Variants in ACAA2 observed in about 807,000 individuals in gnomAD.
ACAA2 encodes the protein 3-ketoacyl-CoA thiolase, mitochondrial.
In ACAA2, 35 loss-of-function variants were observed where a neutral mutation model predicts 44.8. The ratio of observed to expected loss-of-function variants is 0.78; its 90% CI spans 0.60 to 1.04. ACAA2 has a LOEUF of 1.04. Among genes scored for constraint, ACAA2 ranks in the 50% least tolerant of loss-of-function variants. The pLI is 0.00. For missense variants in ACAA2, 468 were observed against 482.6 expected (o/e 0.97, Z 0.28); for synonymous variants, 142 against 166.5 (o/e 0.85, Z 1.13).
chr18:49,799,447 C>G (rs775586591), intron 2 of ACAA2, among the ~76,000 whole-genome samples: 12 of 152,220 alleles, frequency 7.9e-5, no homozygotes, highest in African/African-American at 1.2e-4. Flanking sequence ...CAGCTCCTAA[C>G]CGCGAGTGAT....
intron 3 of ACAA2, among the ~76,000 whole-genome samples, 161 bp from the exon 4 acceptor site, chr18:49,796,042 T>C (rs1440769788): frequency 6.6e-6 from 1 of 152,180 alleles, no homozygotes; most frequent in African/African-American, 2.4e-5. Context: ...GTAAAGCAAA[T>C]GCTAAAGTAT....
In ACAA2 at chr18:49,785,088, A is replaced by G. The variant is rs926640655; in HGVS notation, c.1109+109T>C. ...ACTTGTTCCTGGTAACAGCCAGTGC[A>G]GGAGACATGAAGAAGAATGAAAAAT... On this transcript the variant is annotated intron_variant, in intron 9 of 9. Coordinates refer to ENST00000285093, the MANE Select transcript of ACAA2 (RefSeq NM_006111.3). The G allele has an allele frequency of 8.3e-6, 11 of 1,323,864 alleles. No homozygotes were observed. The African/African-American group carries it at 1.2e-4, about 14-fold the overall frequency. The allele number at this position is 1,323,864 out of a possible 1,614,324, so 82.0% of individuals were successfully genotyped here.
chr18:49,785,392 A>G lies in ACAA2; in HGVS notation c.955-41T>C, dbSNP rs748395704. ...AGAGCACTAACAAAAATCCTTACTC[A>G]CAAACTAATTTTTAAATGAGAATGG... On this transcript the variant is annotated intron_variant, in intron 8 of 9. Transcript: ENST00000285093. 2.5e-6 allele frequency: 4 copies of G among 1,598,826 alleles called. No homozygotes were observed. In the South Asian group the frequency reaches 4.5e-5, roughly 18 times the overall value.
chr18:49,805,945 A>C (rs921327139), intron 1 of ACAA2, among the ~76,000 whole-genome samples: 2 of 151,894 alleles, frequency 1.3e-5, no homozygotes, highest in African/African-American at 4.8e-5. Flanking sequence ...CTTCTTCCTA[A>C]TTTCATTAGT....
intron 8 of ACAA2, chr18:49,786,565 G>GCC (rs2023332048): frequency 6.6e-6 from 1 of 152,152 alleles, no homozygotes; most frequent in East Asian, 1.9e-4. Context: ...TCACACCTGT[G>GCC]CCTACCCCTT....
At chr18:49,803,964 G>A (rs578103869) in intron 1 of ACAA2, among the ~76,000 whole-genome samples, 45 of 148,752 alleles carry the variant, frequency 3.0e-4, no homozygotes, top group East Asian at 4.0e-4. Flanking sequence ...AGGCTGGAGC[G>A]CAGTGGCGCG....
chr18:49,797,355 T>A, intron 3 of ACAA2, 111 bp downstream of exon 3: 3 of 965,052 alleles, frequency 3.1e-6, no homozygotes, highest in Non-Finnish European at 4.5e-6. Context: ...TTACTTGACC[T>A]CCAGGGCTCA....
intron 1 of ACAA2, among the ~76,000 whole-genome samples, chr18:49,806,535 G>C (rs1244597371): frequency 6.6e-6 from 1 of 152,204 alleles, no homozygotes; most frequent in Non-Finnish European, 1.5e-5. Context: ...CAATAAGTCA[G>C]TTCTGTCTGC....
intron 1 of ACAA2, among the ~76,000 whole-genome samples, chr18:49,805,675 CA>C (rs1227737862): frequency 6.6e-6 from 1 of 152,152 alleles, no homozygotes. Context: ...TTTCCCAACT[CA>C]AGTGATCCCC....
intron 5 of ACAA2, among the ~76,000 whole-genome samples, chr18:49,793,271 A>G (rs1161670213): frequency 1.3e-5 from 2 of 152,252 alleles, no homozygotes; most frequent in African/African-American, 4.8e-5. Flanking sequence ...CTTTGGAAAT[A>G]GGGTCAGGAA....
At chr18:49,800,747 G>A (rs2023537546) in intron 2 of ACAA2, among the ~76,000 whole-genome samples, 1 of 152,046 alleles carries the variant, frequency 6.6e-6, no homozygotes, top group South Asian at 2.1e-4. Context: ...AGTACCCAGG[G>A]ACACAAACAC....
intron 1 of ACAA2, among the ~76,000 whole-genome samples, chr18:49,803,797 T>TC (rs1343248121): frequency 6.6e-6 from 1 of 152,106 alleles, no homozygotes; most frequent in Non-Finnish European, 1.5e-5. Context: ...CTCTAAAAAT[T>TC]CCTGACAAAA....
intron 4 of ACAA2, 24 bp from the exon 5 acceptor site, chr18:49,794,451 G>A (rs950626068): frequency 5.3e-6 from 8 of 1,517,086 alleles, no homozygotes; most frequent in Admixed American, 2.1e-5. Context: ...TTAATAAAGT[G>A]ACTTGTTAAG....
chr18:49,789,995 G>A (rs187848652), intron 7 of ACAA2, among the ~76,000 whole-genome samples: 196 of 152,202 alleles, frequency 1.3e-3, no homozygotes, highest in African/African-American at 4.6e-3. Flanking sequence ...GCTCCACTCT[G>A]GACTTACTGA....
At chr18:49,785,506 C>T in intron 8 of ACAA2, 155 bp from the exon 9 acceptor site, 3 of 722,994 alleles carry the variant, frequency 4.1e-6, no homozygotes, top group Admixed American at 2.9e-5. Flanking sequence ...CTGCATAAAG[C>T]TATCAGGTTT....
chr18:49,791,505 AAGT>A lies in ACAA2; in HGVS notation c.845_847del (p.Tyr282del). 1 of 1,612,374 alleles carries A rather than the reference AAGT, an allele frequency of 6.2e-7. No homozygotes were observed. Among genetic ancestry groups the A allele is most frequent in the Non-Finnish European group, 8.5e-7 (1 of 1,179,820 alleles). ...GATAGAGGGATCACATCCAGATACA[AAGT>A]AGCCCACAATTCTTGCCAGTGGTGT... On this transcript the variant is annotated inframe_deletion, in exon 7 of 10. Transcript: ENST00000285093.
intron 2 of ACAA2, among the ~76,000 whole-genome samples, chr18:49,801,759 AC>A (rs1352608090): frequency 2.8e-5 from 4 of 145,422 alleles, no homozygotes; most frequent in African/African-American, 1.0e-4. Context: ...TATATATGAT[AC>A]ATAAGATATA....
At chr18:49,811,711 A>G (rs916996303) in intron 1 of ACAA2, among the ~76,000 whole-genome samples, 1 of 152,136 alleles carries the variant, frequency 6.6e-6, no homozygotes, top group Non-Finnish European at 1.5e-5. Context: ...TCAAGCTCAA[A>G]GCTTGGGTTC....
rs996056409 is a variant in ACAA2, at chr18:49,810,934, A to G, written c.16+2535T>C. ...TATTATTTTAAATCTTCATTTTAAC[A>G]AATAATCTGGGATGTGCAGATAGAC... is the stretch of plus-strand genomic sequence containing the variant. On this transcript the variant is annotated intron_variant, in intron 1 of 9. Coordinates refer to ENST00000285093, the MANE Select transcript of ACAA2 (RefSeq NM_006111.3). Among the ~76,000 whole-genome samples the G allele has an allele frequency of 1.2e-4, 18 of 151,002 alleles. 2 individuals are homozygous for G. Among genetic ancestry groups the G allele is most frequent in the African/African-American group, 3.9e-4 (16 of 40,984 alleles).
Sources: gnomAD v4.1 joint callset for allele counts (sites outside exome capture counted in the v4.1 genomes callset) on GRCh38, gnomAD v4.1.1 for gene constraint, MANE v1.5 for transcripts, NCBI Gene and HGNC (gene_info 2026-07-23, HGNC 2026-07-21) for gene names.